The following FADS2 variants were observed in gnomAD, a reference collection of about 807,000 sequenced individuals.
FADS2 encodes the protein fatty acid desaturase 2, also known as acyl-CoA 6-desaturase.
Under a neutral mutation model 61.2 loss-of-function variants are expected in FADS2, and 18 were observed. The ratio of observed to expected loss-of-function variants is 0.29; its 90% CI spans 0.20 to 0.44. The LOEUF (loss-of-function observed/expected upper bound fraction) is 0.44, where lower values mean the gene tolerates loss of function less well. Ranked by LOEUF, FADS2 falls within the 20% of genes least tolerant of loss-of-function variation. The pLI is 1.00. For missense variants in FADS2, 322 were observed against 572.7 expected (o/e 0.56, Z 4.47); for synonymous variants, 203 against 223.9 (o/e 0.91, Z 0.83).
rs71046747 is a variant in FADS2 at position 61,845,030 on chromosome 11, C to CTTTTTTTTTTT, written c.619-3108_619-3098dup. On this transcript the variant is annotated intron_variant, in intron 4 of 11. Transcript: ENST00000278840. ...TGTTTCCATTAAAGCCAGAAGTGCA[C>CTTTTTTTTTTT]TTTTTTTTTTTTTTTTTTTTTTTTT... Among the ~76,000 whole-genome samples, 2 of 44,122 alleles carry CTTTTTTTTTTT rather than the reference C, an allele frequency of 4.5e-5. 1 individual carries two copies. Among genetic ancestry groups the CTTTTTTTTTTT allele is most frequent in the African/African-American group, 1.7e-4 (2 of 11,466 alleles). 28.9% of individuals were successfully genotyped at this position (44,122 alleles called of 152,430 possible). A position where few individuals can be genotyped will look rare whatever the true frequency, so the allele number is the denominator to read the frequency against.
intron 5 of FADS2, chr11:61,855,880 C>T (rs182201245): frequency 6.6e-6 from 1 of 152,372 alleles, no homozygotes; most frequent in Non-Finnish European, 1.5e-5. Flanking sequence ...CTCTGGCCTT[C>T]GGATCCAGGG....
At chr11:61,857,113 TC>T (rs769412922) in intron 6 of FADS2, 42 bp downstream of exon 6, 3 of 1,524,032 alleles carry the variant, frequency 2.0e-6, no homozygotes, top group Non-Finnish European at 2.7e-6. Context: ...GACCCTCCCC[TC>T]CCCCCAGAGT....
At chr11:61,864,973 C>A (rs1166114949) in intron 10 of FADS2, among the ~76,000 whole-genome samples, 179 bp from the exon 11 acceptor site, 1 of 152,200 alleles carries the variant, frequency 6.6e-6, no homozygotes, top group Non-Finnish European at 1.5e-5. Flanking sequence ...GCTGCACCCT[C>A]CCCTCCACAC....
At chr11:61,840,568 A>G in intron 3 of FADS2, 37 bp downstream of exon 3, 5 of 1,613,454 alleles carry the variant, frequency 3.1e-6, no homozygotes, top group Non-Finnish European at 4.2e-6. Flanking sequence ...TAGCTGACAG[A>G]GGCCTGGTGC....
intron 1 of FADS2, among the ~76,000 whole-genome samples, chr11:61,833,686 C>T (rs890392462): frequency 3.3e-5 from 5 of 152,232 alleles, no homozygotes; most frequent in Non-Finnish European, 2.9e-5. Flanking sequence ...CCCCGTGGCT[C>T]GCCTGCGTCA....
chr11:61,821,439 C>G (rs1205962656), intron 1 of FADS2: 1 of 701,560 alleles, frequency 1.4e-6, no homozygotes, highest in East Asian at 2.7e-5. Flanking sequence ...AATAACCTAA[C>G]TGCCAGTGGC....
At chr11:61,857,608 T>G in intron 7 of FADS2, 78 bp downstream of exon 7, 2 of 1,281,668 alleles carry the variant, frequency 1.6e-6, no homozygotes, top group Non-Finnish European at 2.3e-6. Flanking sequence ...CTACGCTGCC[T>G]CCTCGTGTGC....
Position 61,840,538 on chromosome 11 carries a change from C to T in FADS2, c.516+7C>T, listed in dbSNP as rs1483579941. 3.1e-6 allele frequency: 5 copies of T among 1,613,462 alleles called. No individual in the cohort carries two copies. Among genetic ancestry groups the T allele is most frequent in the African/African-American group, 1.3e-5 (1 of 74,916 alleles). ...TGTCCTTGCTACCTCTCAGGTGAGG[C>T]GTGACACCCTCACTTCCCCTAGCTG... On this transcript the variant is annotated splice_region_variant and intron_variant, in intron 3 of 11. Transcript: ENST00000278840.
intron 6 of FADS2, 92 bp from the exon 7 acceptor site, chr11:61,857,362 C>T (rs140333600): frequency 1.7e-6 from 2 of 1,186,190 alleles, no homozygotes; most frequent in East Asian, 2.3e-5. Context: ...CAGGGCTGGC[C>T]CCTGCACTCA....
Position 61,821,594 on chromosome 11 carries a change from C to T in FADS2, c.141+5168C>T. 2 of 576,556 alleles carry T rather than the reference C, an allele frequency of 3.5e-6. 1 individual carries two copies. The highest frequency in any genetic ancestry group is 5.6e-5 in the East Asian group (2 of 35,564). 35.7% of individuals were successfully genotyped at this position (576,556 alleles called of 1,614,324 possible). A position where few individuals can be genotyped will look rare whatever the true frequency, so the allele number is the denominator to read the frequency against. On this transcript the variant is annotated intron_variant, in intron 1 of 11. Transcript: ENST00000257261. The stretch of plus-strand genomic sequence containing the variant: ...TACCGGTTGTGCTCAGCCTCTGCTG[C>T]AGCCTCCCCTCAGTAGCAGCCCTTC...
intron 7 of FADS2, among the ~76,000 whole-genome samples, chr11:61,859,564 C>G (rs2067395225): frequency 6.6e-6 from 1 of 152,344 alleles, no homozygotes; most frequent in African/African-American, 2.4e-5. Context: ...CTGATGGTCT[C>G]CATGTTAATG....
At chr11:61,852,101 G>T (rs1011787432) in intron 5 of FADS2, among the ~76,000 whole-genome samples, 3 of 152,142 alleles carry the variant, frequency 2.0e-5, no homozygotes, top group Non-Finnish European at 4.4e-5. Flanking sequence ...GGCAGTGAGT[G>T]CTCCTGAGCC....
At chr11:61,824,548 T>C (rs570475011), upstream of FADS2, among the ~76,000 whole-genome samples, 1 of 149,814 alleles carries the variant, frequency 6.7e-6, no homozygotes, top group East Asian at 2.0e-4. Context: ...GTCTCCTTTT[T>C]ATCATGAGGA....
At chr11:61,836,539 T>G (rs2067176543) in intron 1 of FADS2, among the ~76,000 whole-genome samples, 1 of 152,076 alleles carries the variant, frequency 6.6e-6, no homozygotes, top group South Asian at 2.1e-4. Context: ...GCTAATTTTG[T>G]TTATTCTTAG....
chr11:61,865,653 T>C lies in FADS2; in HGVS notation c.1299T>C (p.Ser433=), dbSNP rs1198559392. 2 of 1,612,944 alleles carry C rather than the reference T, an allele frequency of 1.2e-6. No individual in the cohort carries two copies. The highest frequency in any genetic ancestry group is 1.3e-5 in the African/African-American group (1 of 74,906). Residue 433 remains serine, a synonymous_variant, in exon 12 of 12, where the codon TCT becomes TCC. Coordinates refer to ENST00000278840, the MANE Select transcript of FADS2 (RefSeq NM_004265.4). The surrounding 1 kb of genome is among the most constrained non-coding windows in gnomAD (Gnocchi z 4.1). ...LLDIIRSLKK[S]GKLWLDAYLH... The stretch of plus-strand genomic sequence containing the variant: ...AACTTTGCAGGTCCCTGAAGAAGTC[T>C]GGGAAGCTGTGGCTGGACGCCTACC...
In FADS2 at chr11:61,867,317, C is replaced by T. The variant is rs2067480675; in HGVS notation, c.*1628C>T. 6.6e-6 allele frequency: 1 copy of T among 152,118 alleles called. No homozygotes were observed. Among genetic ancestry groups the T allele is most frequent in the Admixed American group, 6.5e-5 (1 of 15,274 alleles). The allele number at this position is 152,118 out of a possible 1,614,324, so 9.4% of individuals were successfully genotyped here. ...TGTTTATCATGTTACTTCCCCACCC[C>T]TACATTTTTTGAAATAAAATAAGGA... On this transcript the variant is annotated 3_prime_UTR_variant, in exon 12 of 12. Transcript: ENST00000278840.
chr11:61,824,489 A>AGAGAGAAAGAAAG (rs2067063106), upstream of FADS2, among the ~76,000 whole-genome samples: 1 of 7,764 alleles, frequency 1.3e-4, no homozygotes, highest in Non-Finnish European at 1.5e-3. Context: ...AGAGAGAGAG[A>AGAGAGAAAGAAAG]GAAAGAAAGA....
chr11:61,860,339 T>G (rs174609), intron 7 of FADS2, among the ~76,000 whole-genome samples: 1 of 151,980 alleles, frequency 6.6e-6, no homozygotes, highest in South Asian at 2.1e-4. Context: ...CCTAAGATCT[T>G]TGAAGGAGGC....
upstream of FADS2, among the ~76,000 whole-genome samples, chr11:61,824,521 A>AAGAAAGAAAGAAAGAAAGAG (rs1565325492): frequency 9.2e-6 from 1 of 108,712 alleles, no homozygotes; most frequent in Admixed American, 1.2e-4. Flanking sequence ...GAAAGAAAGA[A>AAGAAAGAAAGAAAGAAAGAG]AGAAAGAAAA....
Sources: gnomAD v4.1 joint callset for allele counts (sites outside exome capture counted in the v4.1 genomes callset) on GRCh38, gnomAD v4.1.1 for gene constraint, Gnocchi (gnomAD v3.1) non-coding constraint, MANE v1.5 for transcripts, NCBI Gene and HGNC (gene_info 2026-07-23, HGNC 2026-07-21) for gene names.